MRPS28: variants seen among roughly 807,000 people sequenced by gnomAD.
The protein encoded by MRPS28 is mitochondrial ribosomal protein S28.
Under a neutral mutation model 10.8 loss-of-function variants are expected in MRPS28, and 7 were observed. That is an observed-to-expected ratio of 0.65 (90% CI 0.37 to 1.22). MRPS28 has a LOEUF of 1.22. Among genes scored for constraint, MRPS28 ranks in the 50% most tolerant of loss-of-function variants. MRPS28 has a pLI of 0.02. For missense variants in MRPS28, 265 were observed against 232.9 expected (o/e 1.14, Z -0.90); for synonymous variants, 121 against 93.3 (o/e 1.30, Z -1.71).
At chr8:79,991,944 C>G (rs1163623632) in intron 2 of MRPS28, among the ~76,000 whole-genome samples, 2 of 83,628 alleles carry the variant, frequency 2.4e-5, no homozygotes, top group Non-Finnish European at 6.1e-5. Flanking sequence ...CTCTCTCTCT[C>G]TCTCTCTCTC....
rs887187121 is a variant in MRPS28 at position 80,002,800 on chromosome 8, A to G, written c.395+199T>C. ...TCAAGTCTTCCCAACAACTGCTCTC[A>G]CTGCTTTGAGAAGATATGAGTCTGG... On this transcript the variant is annotated intron_variant, in intron 2 of 2. Coordinates refer to ENST00000276585, the MANE Select transcript of MRPS28 (RefSeq NM_014018.3). Among the ~76,000 whole-genome samples, 10 of 152,210 alleles carry G rather than the reference A, an allele frequency of 6.6e-5. 1 individual carries two copies. The highest frequency in any genetic ancestry group is 5.2e-4 in the Admixed American group (8 of 15,282).
Position 79,975,636 on chromosome 8 carries a change from G to A in MRPS28, c.395+27363C>T, listed in dbSNP as rs377094792. On this transcript the variant is annotated intron_variant, in intron 2 of 2. Transcript: ENST00000276585. ...TTAAGAATTAAATAAACGGCCAAAC[G>A]TTCAACATTGCTAGTCATCAAAAGT... Among the ~76,000 whole-genome samples, 6 of 151,958 alleles carry A rather than the reference G, an allele frequency of 3.9e-5. 1 individual carries two copies. The South Asian group carries it at 6.2e-4, about 16-fold the overall frequency.
In MRPS28 at chr8:80,003,406, C is replaced by T. The variant is rs28456276; in HGVS notation, c.214-226G>A. 6.8e-3 allele frequency among the ~76,000 whole-genome samples: 1,040 copies of T among 152,312 alleles called. 7 individuals are homozygous for T. The highest frequency in any genetic ancestry group is 0.014 in the Middle Eastern group (4 of 294). ...CAAGGTGGAGCACAGTGGCTCACGC[C>T]TGTTATCCCAGCACTTTGGGAGGCC... On this transcript the variant is annotated intron_variant, in intron 1 of 2. Transcript: ENST00000276585.
At chr8:79,984,460 A>G (rs934031991) in intron 2 of MRPS28, among the ~76,000 whole-genome samples, 1 of 152,248 alleles carries the variant, frequency 6.6e-6, no homozygotes, top group Non-Finnish European at 1.5e-5. Context: ...AAATGCTCCA[A>G]TTAAAAGACA....
intron 1 of MRPS28, among the ~76,000 whole-genome samples, chr8:80,003,449 T>C (rs2130164062): frequency 6.6e-6 from 1 of 152,282 alleles, no homozygotes; most frequent in African/African-American, 2.4e-5. Context: ...GTGGATCACC[T>C]GAAGTCGGGA....
intron 1 of MRPS28, among the ~76,000 whole-genome samples, chr8:80,017,399 A>C (rs1376365642): frequency 6.6e-6 from 1 of 152,170 alleles, no homozygotes; most frequent in Admixed American, 6.5e-5. Flanking sequence ...AGAGGACACA[A>C]ATTACTAATA....
chr8:79,966,382 G>C (rs991759428), intron 2 of MRPS28, among the ~76,000 whole-genome samples: 2 of 152,056 alleles, frequency 1.3e-5, no homozygotes, highest in African/African-American at 4.8e-5. Context: ...ATAATTACTA[G>C]CAGCAAAGAC....
At chr8:79,990,406 CA>C (rs986959126) in intron 2 of MRPS28, among the ~76,000 whole-genome samples, 1 of 152,108 alleles carries the variant, frequency 6.6e-6, no homozygotes, top group African/African-American at 2.4e-5. Context: ...TGGATTACAA[CA>C]GTCTCAGAAC....
chr8:80,030,170 GA>G lies in MRPS28; in HGVS notation c.78del (p.Arg27GlyfsTer3). On this transcript the variant is annotated frameshift_variant, in exon 1 of 3. Transcript: ENST00000276585. LOFTEE classifies it high-confidence loss of function. ...GATCCACTCTCAGTGCCTACACCCC[GA>G]AAGGGCCTGAAGAAGAGAAACACTC... ...FLRVFLFFRP[F>X]RGVGTESGSE... is the part of the protein sequence containing the mutation. 1.2e-6 allele frequency: 2 copies of G among 1,613,840 alleles called. No homozygotes were observed. The highest frequency in any genetic ancestry group is 8.5e-7 in the Non-Finnish European group (1 of 1,180,036).
intron 2 of MRPS28, among the ~76,000 whole-genome samples, chr8:79,970,013 A>G (rs1807590494): frequency 6.6e-6 from 1 of 152,228 alleles, no homozygotes; most frequent in Non-Finnish European, 1.5e-5. Flanking sequence ...GCAATAAACA[A>G]AAGAGTCATT....
intron 2 of MRPS28, among the ~76,000 whole-genome samples, chr8:79,952,419 T>C (rs1221242737): frequency 6.6e-6 from 1 of 152,086 alleles, no homozygotes; most frequent in African/African-American, 2.4e-5. Context: ...AGAACAAACA[T>C]AAAAATACAC....
intron 2 of MRPS28, among the ~76,000 whole-genome samples, chr8:79,986,517 T>C (rs1394251889): frequency 6.6e-6 from 1 of 152,204 alleles, no homozygotes; most frequent in Non-Finnish European, 1.5e-5. Flanking sequence ...ATTGTATATC[T>C]AGAAAACCCC....
At chr8:79,986,528 G>T (rs371542352) in intron 2 of MRPS28, among the ~76,000 whole-genome samples, 1 of 151,520 alleles carries the variant, frequency 6.6e-6, no homozygotes, top group Non-Finnish European at 1.5e-5. Flanking sequence ...AGAAAACCCC[G>T]TTGTCTCAGC....
intron 1 of MRPS28, among the ~76,000 whole-genome samples, chr8:80,005,796 C>T (rs1426528695): frequency 6.6e-6 from 1 of 152,042 alleles, no homozygotes; most frequent in African/African-American, 2.4e-5. Context: ...GAAGATCTAC[C>T]AAGCAAATGG....
chr8:79,926,595 T>A (rs2129870459), intron 2 of MRPS28, among the ~76,000 whole-genome samples: 1 of 152,182 alleles, frequency 6.6e-6, no homozygotes, highest in East Asian at 1.9e-4. Flanking sequence ...TAGAATACTA[T>A]TCAAGTGGAC....
intron 2 of MRPS28, among the ~76,000 whole-genome samples, chr8:79,988,148 C>G (rs1476746740): frequency 6.6e-6 from 1 of 151,302 alleles, no homozygotes; most frequent in East Asian, 1.9e-4. Context: ...TGGAAATCAT[C>G]ATTCTCAGTA....
chr8:80,022,926 A>T (rs1809405646), intron 1 of MRPS28, among the ~76,000 whole-genome samples: 1 of 152,202 alleles, frequency 6.6e-6, no homozygotes. Context: ...GTATAATCAG[A>T]TCATATGACC....
At chr8:80,023,279 A>G (rs981104090) in intron 1 of MRPS28, among the ~76,000 whole-genome samples, 1 of 152,202 alleles carries the variant, frequency 6.6e-6, no homozygotes, top group Non-Finnish European at 1.5e-5. Context: ...ATAATTCTTA[A>G]AGTTGTCAGT....
chr8:80,007,885 C>G (rs1022178910), intron 1 of MRPS28, among the ~76,000 whole-genome samples: 4 of 152,248 alleles, frequency 2.6e-5, no homozygotes, highest in African/African-American at 9.6e-5. Context: ...CCCCATCAAG[C>G]TACCAATGAC....
Sources: gnomAD v4.1 joint callset for allele counts (sites outside exome capture counted in the v4.1 genomes callset) on GRCh38, gnomAD v4.1.1 for gene constraint, MANE v1.5 for transcripts, NCBI Gene and HGNC (gene_info 2026-07-23, HGNC 2026-07-21) for gene names.